Variants in FITM1 observed in about 807,000 individuals in gnomAD.
FITM1 encodes fat storage inducing transmembrane protein 1, also known as fat storage-inducing transmembrane protein 1.
A neutral mutation model predicts 22.2 loss-of-function variants in FITM1; 11 were observed. The ratio of observed to expected loss-of-function variants is 0.50; its 90% CI spans 0.31 to 0.82. The LOEUF (loss-of-function observed/expected upper bound fraction) is 0.82, where lower values mean the gene tolerates loss of function less well. Among genes scored for constraint, FITM1 ranks in the 40% least tolerant of loss-of-function variants. The pLI, the probability that FITM1 is intolerant of heterozygous loss-of-function variation, is 0.04. For missense variants in FITM1, 394 were observed against 386.4 expected, an observed-to-expected ratio of 1.02 and a Z score of -0.17; for synonymous variants, 164 against 174.0, an observed-to-expected ratio of 0.94 and a Z score of 0.45.
At position 24,131,540 on chromosome 14, in the gene FITM1, C is replaced by T. The variant is rs574139422; in HGVS notation, c.-24C>T. The T allele has an allele frequency of 1.3e-6, 2 of 1,547,540 alleles. No homozygotes were observed. The highest frequency in any genetic ancestry group is 4.8e-5 in the East Asian group (2 of 42,012). On this transcript the variant is annotated 5_prime_UTR_variant, in exon 1 of 2. It introduces an in-frame stop codon into an upstream open reading frame of the 5' UTR. Transcript: ENST00000267426. ...CTCCTCAGCTGCCCAGCAAAGCAAGCAGTTAGTGGGGAGGGGAGGGAACAT... is the reference window on the plus strand; with the variant it reads ...CTCCTCAGCTGCCCAGCAAAGCAAGTAGTTAGTGGGGAGGGGAGGGAACAT...
chr14:24,131,075 T>C lies in FITM1; in HGVS notation c.-489T>C, dbSNP rs893910462. On this transcript the variant is annotated 5_prime_UTR_variant, in exon 1 of 2. Transcript: ENST00000267426. ...GCATCCTGCTGTTGGTGGGCTCTTGTGCTCAGAACCCCAGGAGAAGGGCTA... is the reference window on the plus strand; with the variant it reads ...GCATCCTGCTGTTGGTGGGCTCTTGCGCTCAGAACCCCAGGAGAAGGGCTA... Among the ~76,000 whole-genome samples, 2 of 152,252 alleles carry C rather than the reference T, an allele frequency of 1.3e-5. No individual in the cohort carries two copies. Among genetic ancestry groups the C allele is most frequent in the African/African-American group, 4.8e-5 (2 of 41,470 alleles).
chr14:24,131,714 T>G lies in FITM1; in HGVS notation c.151T>G (p.Cys51Gly), dbSNP rs764155929. 3 of 1,614,204 alleles carry G rather than the reference T, an allele frequency of 1.9e-6. No individual in the cohort carries two copies. Among genetic ancestry groups the G allele is most frequent in the Non-Finnish European group, 2.5e-6 (3 of 1,180,044 alleles). The change falls in exon 1 of 2, where the codon TGC becomes GGC. Residue 51 changes from cysteine to glycine, a missense_variant. Cys to Gly is a radical substitution (Grantham distance 159, BLOSUM62 -3). Transcript: ENST00000267426. ...GGCCGCCCGCCTTCTGGGCAGCCCC[T>G]GCTTACGGCGCCTCTACCATGCCTG... ...EQAARLLGSP[C>G]LRRLYHAWLA...
chr14:24,132,775 A>G lies in FITM1; in HGVS notation c.831A>G (p.Pro277=), dbSNP rs1348080584. 1 of 1,613,082 alleles carries G rather than the reference A, an allele frequency of 6.2e-7. No individual in the cohort carries two copies. The highest frequency in any genetic ancestry group is 8.5e-7 in the Non-Finnish European group (1 of 1,179,842). The change falls in exon 2 of 2, where the codon CCA becomes CCG. Residue 277 remains proline (P), a synonymous_variant. Coordinates refer to ENST00000267426, the MANE Select transcript of FITM1 (RefSeq NM_203402.3). The part of the protein sequence containing the change: ...WYHQPWSPGS[P]GHGLFPRPHS... Reference sequence around the variant, plus strand: ...ATCAGCCCTGGTCTCCAGGGAGCCCAGGCCATGGGCTCTTCCCCCGTCCCC... The same window carrying G: ...ATCAGCCCTGGTCTCCAGGGAGCCCGGGCCATGGGCTCTTCCCCCGTCCCC...
Position 24,132,439 on chromosome 14 carries a change from G to C in FITM1, c.495G>C (p.Leu165=). 6.2e-7 allele frequency: 1 copy of C among 1,606,978 alleles called. No individual in the cohort carries two copies. Among genetic ancestry groups the C allele is most frequent in the Admixed American group, 1.7e-5 (1 of 60,028 alleles). The change falls in exon 2 of 2, where the codon CTG becomes CTC. Residue 165 remains leucine (L), a synonymous_variant. Coordinates refer to ENST00000267426, the MANE Select transcript of FITM1 (RefSeq NM_203402.3). ...CCCAGGGTCTGCTGCTCCACGAGCT[G>C]CCTGACCGCCGCAGCTGCCTGGCAG... is the stretch of plus-strand genomic sequence containing the variant. ...PLPQGLLLHE[L]PDRRSCLAAG...
At position 24,132,228 on chromosome 14, in the gene FITM1, CCTGGGGCT is replaced by C. The variant is rs751912886; in HGVS notation, c.285_292del (p.Trp96AspfsTer69). 120 of 1,610,884 alleles carry C rather than the reference CCTGGGGCT, an allele frequency of 7.4e-5. No individual in the cohort carries two copies. Among genetic ancestry groups the C allele is most frequent in the Non-Finnish European group, 4.2e-6 (5 of 1,179,160 alleles). On this transcript the variant is annotated frameshift_variant, in exon 2 of 2. Transcript: ENST00000267426. LOFTEE classifies it high-confidence loss of function. ...GCCCACAGAAAATTTGTGAATTCAG[CCTGGGGCT>C]GGACATGCACTTTCTTAGGGGGCTT...
In FITM1 at chr14:24,131,815, C is replaced by A. The variant is rs1325300509; in HGVS notation, c.252C>A (p.Gly84=). 2 of 1,588,090 alleles carry A rather than the reference C, an allele frequency of 1.3e-6. No individual in the cohort carries two copies. Among genetic ancestry groups the A allele is most frequent in the Non-Finnish European group, 8.6e-7 (1 of 1,164,952 alleles). ...VNPRTIFASH[G]NFFNIKFVNS... is the part of the protein sequence containing the mutation. ...CTCGGACTATCTTCGCCAGCCACGG[C>A]AACTTCTTCAACATGTGAGTCCACT... The change falls in exon 1 of 2, where the codon GGC becomes GGA. Residue 84 remains glycine, a synonymous_variant. Transcript: ENST00000267426.
Position 24,132,837 on chromosome 14 carries a change from C to G in FITM1, c.*14C>G. The G allele has an allele frequency of 6.3e-7, 1 of 1,598,170 alleles. No homozygotes were observed. Among genetic ancestry groups the G allele is most frequent in the Non-Finnish European group, 8.5e-7 (1 of 1,177,670 alleles). On this transcript the variant is annotated 3_prime_UTR_variant, in exon 2 of 2. Coordinates refer to ENST00000267426, the MANE Select transcript of FITM1 (RefSeq NM_203402.3). ...AAGCATAACTGAAAGAAATAAAAACCATCGGGCCTGGCTGTGGCTCCTCTC... is the reference window on the plus strand; with the variant it reads ...AAGCATAACTGAAAGAAATAAAAACGATCGGGCCTGGCTGTGGCTCCTCTC...
chr14:24,132,815 C>A lies in FITM1; in HGVS notation c.871C>A (p.His291Asn). ...CCCCCGTCCCCACTCCAGCCGCAAGCATAACTGAAAGAAATAAAAACCATC... is the reference window on the plus strand; with the variant it reads ...CCCCCGTCCCCACTCCAGCCGCAAGAATAACTGAAAGAAATAAAAACCATC... ...LFPRPHSSRK[H>N]N The change falls in exon 2 of 2, where the codon CAT (histidine) becomes AAT (asparagine). Residue 291 changes from histidine (H) to asparagine (N), a missense_variant. Physicochemically the swap from His to Asn is moderately conservative, Grantham distance 68. Transcript: ENST00000267426. 1 of 1,606,790 alleles carries A rather than the reference C, an allele frequency of 6.2e-7. No homozygotes were observed. Among genetic ancestry groups the A allele is most frequent in the Non-Finnish European group, 8.5e-7 (1 of 1,178,746 alleles).
rs746849731 is a variant in FITM1, at chr14:24,132,559, C to T, written c.615C>T (p.Ala205=). Residue 205 remains alanine (A), a synonymous_variant, in exon 2 of 2, where the codon GCC becomes GCT. Transcript: ENST00000267426. The stretch of plus-strand genomic sequence containing the variant: ...TGGCAGAGGAAGCAGCTGTGTTCGC[C>T]AAGTACCTGGCCCATGGGCTTCCTG... ...LLMAEEAAVF[A]KYLAHGLPAG... is the part of the protein sequence containing the mutation. 3.7e-6 allele frequency: 6 copies of T among 1,607,116 alleles called. No homozygotes were observed. In the South Asian group the frequency reaches 6.6e-5, roughly 18 times the overall value.
At position 24,131,607 on chromosome 14, in the gene FITM1, C is replaced by T. The variant is rs762090; in HGVS notation, c.44C>T (p.Ala15Val). Reference protein sequence around the residue: ...PVVGAGLGAGARIQALLGCLL... With the variant: ...PVVGAGLGAGVRIQALLGCLL... Reference sequence around the variant, plus strand: ...GTGGGGGCAGGACTGGGGGCCGGGGCCCGAATCCAGGCACTGCTGGGCTGC... The same window carrying T: ...GTGGGGGCAGGACTGGGGGCCGGGGTCCGAATCCAGGCACTGCTGGGCTGC... The change falls in exon 1 of 2, where the codon GCC (alanine) becomes GTC (valine). Residue 15 changes from alanine (A) to valine (V), a missense_variant. Physicochemically the swap from Ala to Val is moderately conservative, Grantham distance 64. Coordinates refer to ENST00000267426, the MANE Select transcript of FITM1 (RefSeq NM_203402.3). The T allele has an allele frequency of 1.9e-6, 3 of 1,608,206 alleles. No individual in the cohort carries two copies. The highest frequency in any genetic ancestry group is 2.5e-6 in the Non-Finnish European group (3 of 1,177,896).
chr14:24,132,794 C>T lies in FITM1; in HGVS notation c.850C>T (p.Arg284Cys), dbSNP rs575266836. 1.4e-5 allele frequency: 22 copies of T among 1,611,596 alleles called. No homozygotes were observed. The highest frequency in any genetic ancestry group is 1.6e-4 in the Middle Eastern group (1 of 6,076). Residue 284 changes from arginine to cysteine, a missense_variant, in exon 2 of 2, where the codon CGT (arginine) becomes TGT (cysteine). Transcript: ENST00000267426. ...PGSPGHGLFP[R>C]PHSSRKHN The stretch of plus-strand genomic sequence containing the variant: ...GAGCCCAGGCCATGGGCTCTTCCCC[C>T]GTCCCCACTCCAGCCGCAAGCATAA...
chr14:24,132,623 C>A lies in FITM1; in HGVS notation c.679C>A (p.Leu227Met). Residue 227 changes from leucine to methionine, a missense_variant, in exon 2 of 2, where the codon CTG (leucine) becomes ATG (methionine). Leu to Met is a conservative substitution (Grantham distance 15). Coordinates refer to ENST00000267426, the MANE Select transcript of FITM1 (RefSeq NM_203402.3). ...PLRLVFLLNVLLLGLWNFLLL... is the reference protein window; with the variant it reads ...PLRLVFLLNVMLLGLWNFLLL... ...GCGCCTTGTCTTCCTGCTGAACGTGCTGCTGCTGGGCCTCTGGAACTTCTT... is the reference window on the plus strand; with the variant it reads ...GCGCCTTGTCTTCCTGCTGAACGTGATGCTGCTGGGCCTCTGGAACTTCTT... The A allele has an allele frequency of 6.2e-7, 1 of 1,612,916 alleles. No homozygotes were observed.
At position 24,132,366 on chromosome 14, in the gene FITM1, C is replaced by A; in HGVS notation, c.422C>A (p.Ala141Asp). Residue 141 changes from alanine (A) to aspartate (D), a missense_variant, in exon 2 of 2, where the codon GCC becomes GAC. Physicochemically the swap from Ala to Asp is moderately radical, Grantham distance 126. Transcript: ENST00000267426. ...GCCGTGTGGCGGGGAGCCGGCCGGG[C>A]CTTCCTGCTCATCGAGGACCTGACT... ...GAAVWRGAGR[A>D]FLLIEDLTGS... 6.2e-7 allele frequency: 1 copy of A among 1,613,722 alleles called. No homozygotes were observed. The highest frequency in any genetic ancestry group is 1.7e-4 in the Middle Eastern group (1 of 6,058).
Position 24,132,509 on chromosome 14 carries a change from C to G in FITM1, c.565C>G (p.Leu189Val), listed in dbSNP as rs1410191360. The change falls in exon 2 of 2, where the codon CTG becomes GTG. Residue 189 changes from leucine to valine, a missense_variant. Leu to Val is a conservative substitution (Grantham distance 32). Coordinates refer to ENST00000267426, the MANE Select transcript of FITM1 (RefSeq NM_203402.3). The stretch of plus-strand genomic sequence containing the variant: ...CTACACCGTCTCCTCCCACACCTTC[C>G]TGCTCACCTTTTGCTGCCTGCTCAT... Reference protein sequence around the residue: ...RGYTVSSHTFLLTFCCLLMAE... With the variant: ...RGYTVSSHTFVLTFCCLLMAE... 7 of 1,603,846 alleles carry G rather than the reference C, an allele frequency of 4.4e-6. No homozygotes were observed. Among genetic ancestry groups the G allele is most frequent in the Non-Finnish European group, 5.9e-6 (7 of 1,179,988 alleles).
rs374338267 is a variant in FITM1, at chr14:24,132,343, C to T, written c.399C>T (p.Ala133=). ...TGAGCCGACTGGTAGTAGGGGCAGCCGTGTGGCGGGGAGCCGGCCGGGCCT... is the reference window on the plus strand; with the variant it reads ...TGAGCCGACTGGTAGTAGGGGCAGCTGTGTGGCGGGGAGCCGGCCGGGCCT... ...RHLSRLVVGA[A]VWRGAGRAFL... The change falls in exon 2 of 2, where the codon GCC becomes GCT. Residue 133 remains alanine (A), a synonymous_variant. Transcript: ENST00000267426. 20 of 1,613,950 alleles carry T rather than the reference C, an allele frequency of 1.2e-5. No homozygotes were observed. Among genetic ancestry groups the T allele is most frequent in the African/African-American group, 2.7e-5 (2 of 74,924 alleles).
chr14:24,132,308 G>A lies in FITM1; in HGVS notation c.364G>A (p.Ala122Thr). The A allele has an allele frequency of 2.5e-6, 4 of 1,614,022 alleles. No homozygotes were observed. The highest frequency in any genetic ancestry group is 3.4e-6 in the Non-Finnish European group (4 of 1,179,944). The change falls in exon 2 of 2, where the codon GCC becomes ACC. Residue 122 changes from alanine to threonine, a missense_variant. Transcript: ENST00000267426. ...GGCTACACGGCGCGTGGCAGTAACT[G>A]CCAGACACCTGAGCCGACTGGTAGT... ...FLATRRVAVT[A>T]RHLSRLVVGA...
Position 24,132,731 on chromosome 14 carries a change from A to T in FITM1, c.787A>T (p.Thr263Ser), listed in dbSNP as rs1343923943. Reference sequence around the variant, plus strand: ...AGTGGGCACCTTTGCCTGGTACCTCACCTATGGCAGCTGGTATCATCAGCC... The same window carrying T: ...AGTGGGCACCTTTGCCTGGTACCTCTCCTATGGCAGCTGGTATCATCAGCC... ...AAVGTFAWYL[T>S]YGSWYHQPWS... The change falls in exon 2 of 2, where the codon ACC (threonine) becomes TCC (serine). Residue 263 changes from threonine (T) to serine (S), a missense_variant. Coordinates refer to ENST00000267426, the MANE Select transcript of FITM1 (RefSeq NM_203402.3). 1 of 1,613,604 alleles carries T rather than the reference A, an allele frequency of 6.2e-7. No homozygotes were observed. The highest frequency in any genetic ancestry group is 2.2e-5 in the East Asian group (1 of 44,862).
intron 1 of FITM1, 95 bp downstream of exon 1, chr14:24,131,924 A>G: frequency 6.8e-7 from 1 of 1,479,038 alleles, no homozygotes; most frequent in South Asian, 1.4e-5. Flanking sequence ...TCTGAACACT[A>G]AAAATAGGCT....
rs559229700 is a variant in FITM1 at position 24,130,831 on chromosome 14, C to A, written c.-733C>A. Among the ~76,000 whole-genome samples the A allele has an allele frequency of 3.3e-5, 5 of 152,286 alleles. No individual in the cohort carries two copies. The East Asian group carries it at 9.6e-4, about 29-fold the overall frequency. The stretch of plus-strand genomic sequence containing the variant: ...TCTACCTCTGTCACCTGGGAGTAAA[C>A]CTAATCTTTAGGGATCTGAGGGTCA... On this transcript the variant is annotated 5_prime_UTR_variant, in exon 1 of 2. Coordinates refer to ENST00000267426, the MANE Select transcript of FITM1 (RefSeq NM_203402.3).
Sources: gnomAD v4.1 joint callset for allele counts (sites outside exome capture counted in the v4.1 genomes callset) on GRCh38, gnomAD v4.1.1 for gene constraint, MANE v1.5 for transcripts, NCBI Gene and HGNC (gene_info 2026-07-23, HGNC 2026-07-21) for gene names.